The following WDR70 variants were observed in gnomAD, a reference collection of about 807,000 sequenced individuals.
WDR70 encodes WD repeat-containing protein 70.
A neutral mutation model predicts 88.6 loss-of-function variants in WDR70; 53 were observed. The observed-to-expected ratio is 0.60, with a 90% CI of 0.48 to 0.75. The LOEUF is 0.75. WDR70 is among the 30% of genes least tolerant of loss of function. The pLI, the probability that WDR70 is intolerant of heterozygous loss-of-function variation, is 0.00. For missense variants in WDR70, 610 were observed against 823.2 expected (o/e 0.74, Z 3.17); for synonymous variants, 280 against 270.0 (o/e 1.04, Z -0.36).
chr5:37,668,269 A>G (rs1276308593), intron 10 of WDR70, among the ~76,000 whole-genome samples: 3 of 152,186 alleles, frequency 2.0e-5, no homozygotes, highest in Non-Finnish European at 4.4e-5. Context: ...TTTGCTTAGC[A>G]TCAGAACAGT....
intron 8 of WDR70, among the ~76,000 whole-genome samples, chr5:37,511,392 C>T (rs922118346): frequency 2.3e-4 from 35 of 151,668 alleles, no homozygotes; most frequent in African/African-American, 5.3e-4. Flanking sequence ...GGCTCTTCAA[C>T]GTGTGCTTTA....
chr5:37,667,679 CA>C (rs1396003094), intron 10 of WDR70, among the ~76,000 whole-genome samples: 1 of 151,862 alleles, frequency 6.6e-6, no homozygotes, highest in Non-Finnish European at 1.5e-5. Context: ...CATGCTACAA[CA>C]GGAGAAGTGA....
chr5:37,392,012 AAG>A lies in WDR70; in HGVS notation c.191_192del (p.Glu64GlyfsTer14). 1 of 1,597,598 alleles carries A rather than the reference AAG, an allele frequency of 6.3e-7. No homozygotes were observed. The highest frequency in any genetic ancestry group is 8.5e-7 in the Non-Finnish European group (1 of 1,176,246). ...TTAATCTTTTCAGAAGCAAGAGAAA[AAG>A]AGGAAGAAATGAACAGAGAGAAAGA... On this transcript the variant is annotated frameshift_variant, in exon 4 of 18. Transcript: ENST00000265107. LOFTEE classifies it high-confidence loss of function.
chr5:37,535,323 T>C (rs1242848748), intron 9 of WDR70, among the ~76,000 whole-genome samples: 1 of 151,756 alleles, frequency 6.6e-6, no homozygotes, highest in Non-Finnish European at 1.5e-5. Flanking sequence ...GGCCTTGAAA[T>C]GTGAATGCAA....
intron 5 of WDR70, among the ~76,000 whole-genome samples, chr5:37,415,349 T>G (rs1208644676): frequency 1.5e-5 from 2 of 132,568 alleles, no homozygotes; most frequent in Non-Finnish European, 1.7e-5. Flanking sequence ...CACTTCCCAG[T>G]AGGGGCGGCC....
At chr5:37,421,796 C>T (rs1418833632) in intron 5 of WDR70, among the ~76,000 whole-genome samples, 2 of 151,666 alleles carry the variant, frequency 1.3e-5, no homozygotes, top group Non-Finnish European at 2.9e-5. Flanking sequence ...ATGGGGTATA[C>T]ATGAGGTTGG....
At chr5:37,457,954 C>T (rs1220598011) in intron 7 of WDR70, among the ~76,000 whole-genome samples, 2 of 148,670 alleles carry the variant, frequency 1.3e-5, no homozygotes, top group African/African-American at 5.0e-5. Context: ...ATGATATTGG[C>T]TGTGGGTTTG....
intron 9 of WDR70, among the ~76,000 whole-genome samples, chr5:37,592,971 A>G (rs77957198): frequency 2.0e-5 from 3 of 152,242 alleles, no homozygotes; most frequent in Admixed American, 6.5e-5. Context: ...TCTGGGTAAC[A>G]TATAGTGAGA....
At chr5:37,483,596 G>A (rs969238712) in intron 8 of WDR70, among the ~76,000 whole-genome samples, 11 of 151,820 alleles carry the variant, frequency 7.2e-5, no homozygotes, top group South Asian at 2.1e-4. Flanking sequence ...ATCATAGCCC[G>A]TTCTCAATGA....
At chr5:37,484,023 T>C (rs1436005763) in intron 8 of WDR70, among the ~76,000 whole-genome samples, 1 of 147,732 alleles carries the variant, frequency 6.8e-6, no homozygotes, top group African/African-American at 2.5e-5. Context: ...CGCTCCTCAC[T>C]TCCTAGACGG....
chr5:37,747,811 T>G (rs1281502106), intron 17 of WDR70, among the ~76,000 whole-genome samples: 1 of 152,196 alleles, frequency 6.6e-6, no homozygotes, highest in African/African-American at 2.4e-5. Context: ...AAAATCATTG[T>G]GCAAAAATCA....
intron 5 of WDR70, among the ~76,000 whole-genome samples, chr5:37,402,533 T>G (rs1336379343): frequency 1.3e-5 from 2 of 152,138 alleles, no homozygotes; most frequent in South Asian, 2.1e-4. Context: ...TATATATTTT[T>G]GGGGTATATA....
At chr5:37,662,070 G>A (rs573620201) in intron 10 of WDR70, among the ~76,000 whole-genome samples, 1 of 152,304 alleles carries the variant, frequency 6.6e-6, no homozygotes, top group Non-Finnish European at 1.5e-5. Flanking sequence ...CCATGAATGA[G>A]CAAGGACAAC....
At chr5:37,603,428 C>G (rs1041831534) in intron 9 of WDR70, among the ~76,000 whole-genome samples, 4 of 152,082 alleles carry the variant, frequency 2.6e-5, no homozygotes, top group Non-Finnish European at 5.9e-5. Flanking sequence ...GAAATTAGAC[C>G]CTTATCTCAT....
chr5:37,483,772 GC>G (rs1325175635), intron 8 of WDR70, among the ~76,000 whole-genome samples: 1 of 149,336 alleles, frequency 6.7e-6, no homozygotes, highest in Non-Finnish European at 1.5e-5. Flanking sequence ...CCGGGCGGGG[GC>G]TGACCCCCCA....
chr5:37,736,613 G>GT (rs10718548), intron 17 of WDR70, among the ~76,000 whole-genome samples: 16 of 134,594 alleles, frequency 1.2e-4, no homozygotes, highest in African/African-American at 8.2e-5. Context: ...GGTGTATGTA[G>GT]TTTTTTTTTT....
At chr5:37,677,262 C>A (rs1362667806) in intron 10 of WDR70, among the ~76,000 whole-genome samples, 1 of 151,774 alleles carries the variant, frequency 6.6e-6, no homozygotes, top group Non-Finnish European at 1.5e-5. Context: ...TTAGTTATTT[C>A]TTGCCTTCTG....
intron 7 of WDR70, among the ~76,000 whole-genome samples, chr5:37,460,692 A>AT (rs1738966842): frequency 7.0e-6 from 1 of 143,724 alleles, no homozygotes; most frequent in Non-Finnish European, 1.5e-5. Flanking sequence ...GAGTATAATA[A>AT]AAAAAAACAT....
intron 9 of WDR70, among the ~76,000 whole-genome samples, chr5:37,594,006 T>C (rs1033927748): frequency 6.6e-6 from 1 of 152,204 alleles, no homozygotes; most frequent in Non-Finnish European, 1.5e-5. Context: ...GTTGTTTTTT[T>C]CTTGTAAATT....
Sources: allele counts gnomAD v4.1 joint callset (sites outside exome capture counted in the v4.1 genomes callset), GRCh38; gene constraint gnomAD v4.1.1; transcripts MANE v1.5; gene names NCBI Gene and HGNC (gene_info 2026-07-23, HGNC 2026-07-21).